Variants in AGAP1 observed in about 807,000 individuals in gnomAD.
AGAP1 encodes arf-GAP with GTPase, ANK repeat and PH domain-containing protein 1.
Under a neutral mutation model 105.3 loss-of-function variants are expected in AGAP1, and 29 were observed. The observed-to-expected ratio is 0.28, with a 90% confidence interval of 0.21 to 0.38. The LOEUF (loss-of-function observed/expected upper bound fraction) is 0.38. Among genes scored for constraint, AGAP1 ranks in the 10% least tolerant of loss-of-function variants. AGAP1 has a pLI of 1.00. For synonymous variants in AGAP1, 509 were observed against 485.9 expected, an observed-to-expected ratio of 1.05 and a Z score of -0.63; for missense variants, 998 against 1,165.1, an observed-to-expected ratio of 0.86 and a Z score of 2.09.
chr2:235,651,093 A>C (rs531048180), intron 1 of AGAP1, among the ~76,000 whole-genome samples: 1 of 149,350 alleles, frequency 6.7e-6, no homozygotes, highest in African/African-American at 2.5e-5. Context: ...AGGTGGGACA[A>C]TCAGTTGAAC....
rs932452927 is a variant in AGAP1 at position 235,901,964 on chromosome 2, T to C, written c.1156-6774T>C. ...CTATTGATATTCATCATGTTAGAAA[T>C]TCAAACAAAGAAAATATGTAATCCA... On this transcript the variant is annotated intron_variant, in intron 10 of 17. Coordinates refer to ENST00000304032, the MANE Select transcript of AGAP1 (RefSeq NM_001037131.3). The surrounding 1 kb of genome is among the most constrained non-coding windows in gnomAD (Gnocchi z 4.3). Among the ~76,000 whole-genome samples the C allele has an allele frequency of 1.3e-5, 2 of 152,116 alleles. No individual in the cohort carries two copies. Among genetic ancestry groups the C allele is most frequent in the Admixed American group, 1.3e-4 (2 of 15,272 alleles).
chr2:235,682,383 C>T (rs904863758), intron 1 of AGAP1, among the ~76,000 whole-genome samples: 18 of 151,344 alleles, frequency 1.2e-4, no homozygotes, highest in African/African-American at 4.4e-4. Context: ...CACTCTGTTG[C>T]CCAGGCTGGA....
At chr2:236,060,015 C>G (rs548545276) in intron 16 of AGAP1, among the ~76,000 whole-genome samples, 27 of 152,252 alleles carry the variant, frequency 1.8e-4, no homozygotes, top group African/African-American at 6.5e-4. Context: ...CACTTGAACC[C>G]AAGAGTTGGA....
rs964991071 is a variant in AGAP1, at chr2:236,113,377, G to T, written c.2115-6815G>T. On this transcript the variant is annotated intron_variant, in intron 16 of 17. Coordinates refer to ENST00000304032, the MANE Select transcript of AGAP1 (RefSeq NM_001037131.3). This position sits in a 1 kb window ranked among gnomAD's most constrained non-coding sequence, Gnocchi z 4.3. Reference sequence around the variant, plus strand: ...GCTGGTGTCGAACTCCTGACCTCGTGATCCACCCACTTCGGCCTCCCAAAG... The same window carrying T: ...GCTGGTGTCGAACTCCTGACCTCGTTATCCACCCACTTCGGCCTCCCAAAG... Among the ~76,000 whole-genome samples, 2 of 152,042 alleles carry T rather than the reference G, an allele frequency of 1.3e-5. No individual in the cohort carries two copies. The highest frequency in any genetic ancestry group is 4.8e-5 in the African/African-American group (2 of 41,380).
Position 235,716,153 on chromosome 2 carries a change from T to C in AGAP1, c.223-1404T>C, listed in dbSNP as rs1283605471. 2.6e-5 allele frequency among the ~76,000 whole-genome samples: 4 copies of C among 152,060 alleles called. No homozygotes were observed. The highest frequency in any genetic ancestry group is 7.2e-5 in the African/African-American group (3 of 41,404). ...TCCTGTTAAATGGAATCGCAGCTCA[T>C]TGAGAGAAGGTTGGATGTGGACAGG... On this transcript the variant is annotated intron_variant, in intron 2 of 17. Coordinates refer to ENST00000304032, the MANE Select transcript of AGAP1 (RefSeq NM_001037131.3). This position sits in a 1 kb window ranked among gnomAD's most constrained non-coding sequence, Gnocchi z 4.0.
chr2:235,509,685 C>G (rs1032536898), intron 1 of AGAP1, among the ~76,000 whole-genome samples: 2 of 152,088 alleles, frequency 1.3e-5, no homozygotes, highest in Non-Finnish European at 2.9e-5. Context: ...TCACCTCTGT[C>G]CGTCTGCTTG....
chr2:235,782,833 C>T (rs977453079), intron 6 of AGAP1, among the ~76,000 whole-genome samples: 4 of 152,134 alleles, frequency 2.6e-5, no homozygotes, highest in Non-Finnish European at 4.4e-5. Flanking sequence ...ATTTTCACAG[C>T]GTTCAGTATT....
At position 235,973,323 on chromosome 2, in the gene AGAP1, A is replaced by G. The variant is rs1299024270; in HGVS notation, c.1645+4700A>G. 6.6e-6 allele frequency among the ~76,000 whole-genome samples: 1 copy of G among 152,214 alleles called. No homozygotes were observed. The highest frequency in any genetic ancestry group is 1.5e-5 in the Non-Finnish European group (1 of 68,038). On this transcript the variant is annotated intron_variant, in intron 13 of 17. Coordinates refer to ENST00000304032, the MANE Select transcript of AGAP1 (RefSeq NM_001037131.3). This position sits in a 1 kb window ranked among gnomAD's most constrained non-coding sequence, Gnocchi z 4.7. ...TAAAATGAATCGGAGGAATCTGGAA[A>G]GTTACAGAAGCAGGGACGGTGACTG... is the stretch of plus-strand genomic sequence containing the variant.
intron 8 of AGAP1, among the ~76,000 whole-genome samples, chr2:235,802,345 A>G (rs1957535160): frequency 6.6e-6 from 1 of 152,190 alleles, no homozygotes; most frequent in African/African-American, 2.4e-5. Flanking sequence ...ATCACCATTA[A>G]TTATTTCACC....
chr2:235,792,749 C>T lies in AGAP1; in HGVS notation c.674-5010C>T, dbSNP rs947852999. Among the ~76,000 whole-genome samples, 7 of 152,152 alleles carry T rather than the reference C, an allele frequency of 4.6e-5. No homozygotes were observed. Among genetic ancestry groups the T allele is most frequent in the Admixed American group, 2.0e-4 (3 of 15,282 alleles). ...GCAGGTCTGAGAGAGGCTAGGAGGC[C>T]CAGGCTGGGCGGCGCGGACTTGAAG... On this transcript the variant is annotated intron_variant, in intron 6 of 17. Coordinates refer to ENST00000304032, the MANE Select transcript of AGAP1 (RefSeq NM_001037131.3). The surrounding 1 kb of genome is among the most constrained non-coding windows in gnomAD (Gnocchi z 5.3).
intron 1 of AGAP1, among the ~76,000 whole-genome samples, chr2:235,509,986 T>G (rs1290269203): frequency 6.6e-6 from 1 of 152,048 alleles, no homozygotes; most frequent in Non-Finnish European, 1.5e-5. Context: ...GAACAGCACA[T>G]ATGAGGGATC....
chr2:236,103,151 G>A (rs2059401568), intron 16 of AGAP1, among the ~76,000 whole-genome samples: 2 of 152,150 alleles, frequency 1.3e-5, no homozygotes, highest in South Asian at 4.1e-4. Context: ...CATGTGTCGT[G>A]GAGGGGTCTC....
At chr2:235,860,553 T>A (rs974999563) in intron 9 of AGAP1, among the ~76,000 whole-genome samples, 1 of 152,232 alleles carries the variant, frequency 6.6e-6, no homozygotes, top group Admixed American at 6.5e-5. Flanking sequence ...GTGAATCTTA[T>A]TCTCATTTGT....
chr2:235,698,437 A>G (rs1027582053), intron 1 of AGAP1, among the ~76,000 whole-genome samples: 1 of 151,644 alleles, frequency 6.6e-6, no homozygotes, highest in African/African-American at 2.4e-5. Context: ...ACATCTCATG[A>G]AAAAAAAATG....
At chr2:235,892,261 T>C (rs1172501632) in intron 10 of AGAP1, among the ~76,000 whole-genome samples, 1 of 152,224 alleles carries the variant, frequency 6.6e-6, no homozygotes, top group Non-Finnish European at 1.5e-5. Flanking sequence ...GGAATTTTCC[T>C]TCTTAAATTT....
Position 235,807,120 on chromosome 2 carries a change from A to G in AGAP1, c.958-119A>G, listed in dbSNP as rs573285024. On this transcript the variant is annotated intron_variant, in intron 8 of 17. Coordinates refer to ENST00000304032, the MANE Select transcript of AGAP1 (RefSeq NM_001037131.3). ...CTGCTCGTCGGACGTGTCTGTGCGCACACATAGATCGCGCATGTTTTCTAA... is the reference window on the plus strand; with the variant it reads ...CTGCTCGTCGGACGTGTCTGTGCGCGCACATAGATCGCGCATGTTTTCTAA... The G allele has an allele frequency of 1.7e-5, 16 of 934,352 alleles. No homozygotes were observed. In the Admixed American group the frequency reaches 2.7e-4, roughly 16 times the overall value. The allele number at this position is 934,352 out of a possible 1,614,324, so 57.9% of individuals were successfully genotyped here. A position where few individuals can be genotyped will look rare whatever the true frequency, so the allele number is the denominator to read the frequency against.
chr2:235,985,486 G>A (rs1017552249), intron 13 of AGAP1, among the ~76,000 whole-genome samples: 1 of 152,142 alleles, frequency 6.6e-6, no homozygotes, highest in Non-Finnish European at 1.5e-5. Flanking sequence ...GGCTTTTGTT[G>A]CAATTGCTTT....
At chr2:235,653,292 T>C (rs11687531) in intron 1 of AGAP1, among the ~76,000 whole-genome samples, 33,255 of 151,430 alleles carry the variant, frequency 0.22, 4,231 homozygotes, top group South Asian at 0.37. Flanking sequence ...GGTGAAACAC[T>C]GTCTCTCCTA....
chr2:235,981,617 A>G lies in AGAP1; in HGVS notation c.1645+12994A>G, dbSNP rs2055099703. Among the ~76,000 whole-genome samples the G allele has an allele frequency of 6.6e-6, 1 of 152,210 alleles. No individual in the cohort carries two copies. Among genetic ancestry groups the G allele is most frequent in the Non-Finnish European group, 1.5e-5 (1 of 68,032 alleles). On this transcript the variant is annotated intron_variant, in intron 13 of 17. Coordinates refer to ENST00000304032, the MANE Select transcript of AGAP1 (RefSeq NM_001037131.3). The surrounding 1 kb of genome is among the most constrained non-coding windows in gnomAD (Gnocchi z 5.5). ...ACAATCTATTAGCAATAATATCACT[A>G]TCAATTATTGACCACTGCCATGTGT... is the stretch of plus-strand genomic sequence containing the variant.
Sources: gnomAD v4.1 joint callset for allele counts (sites outside exome capture counted in the v4.1 genomes callset) on GRCh38, gnomAD v4.1.1 for gene constraint, Gnocchi (gnomAD v3.1) non-coding constraint, MANE v1.5 for transcripts, NCBI Gene and HGNC (gene_info 2026-07-23, HGNC 2026-07-21) for gene names.